Variants in CHL1 observed in about 807,000 individuals in gnomAD.
CHL1 encodes the protein neural cell adhesion molecule L1-like protein.
A neutral mutation model predicts 141.9 loss-of-function variants in CHL1; 96 were observed. The observed-to-expected ratio is 0.68, with a 90% CI of 0.57 to 0.80. The LOEUF is 0.80. Ranked by LOEUF, CHL1 falls within the 30% of genes least tolerant of loss-of-function variation. CHL1 has a pLI of 0.00. For missense variants in CHL1, 1,820 were observed against 1,457.2 expected (o/e 1.25, Z -4.05); for synonymous variants, 613 against 502.2 (o/e 1.22, Z -2.95).
At chr3:261,073 C>A (rs903310025) in intron 2 of CHL1, among the ~76,000 whole-genome samples, 3 of 152,144 alleles carry the variant, frequency 2.0e-5, no homozygotes, top group Non-Finnish European at 2.9e-5. Context: ...CATCACTAGT[C>A]ACTACTTCTG....
chr3:203,171 G>A (rs150051226), intron 1 of CHL1, among the ~76,000 whole-genome samples: 1 of 152,162 alleles, frequency 6.6e-6, no homozygotes, highest in South Asian at 2.1e-4. Context: ...CTAAGAAGAG[G>A]CACCATAGTC....
chr3:281,736 T>C (rs1396749007), intron 2 of CHL1, among the ~76,000 whole-genome samples: 1 of 151,992 alleles, frequency 6.6e-6, no homozygotes, highest in Non-Finnish European at 1.5e-5. Context: ...ATTTTTGTAT[T>C]TTTAGTAGAG....
intron 2 of CHL1, among the ~76,000 whole-genome samples, chr3:315,447 A>G (rs1452715075): frequency 6.6e-6 from 1 of 152,138 alleles, no homozygotes; most frequent in Admixed American, 6.6e-5. Context: ...TCTCTCCTCC[A>G]TTTCTCAAGG....
At chr3:216,519 G>T (rs1446760167) in intron 1 of CHL1, among the ~76,000 whole-genome samples, 1 of 152,146 alleles carries the variant, frequency 6.6e-6, no homozygotes, top group Admixed American at 6.5e-5. Flanking sequence ...CCCTAGGAGA[G>T]TCAACTCTAC....
chr3:377,793 C>G (rs748484185), intron 15 of CHL1, 25 bp from the exon 16 acceptor site: 3 of 1,579,690 alleles, frequency 1.9e-6, no homozygotes, highest in Non-Finnish European at 2.6e-6. Flanking sequence ...TCCTTCTCAT[C>G]ATGTACTCAC....
chr3:363,649 T>A (rs1328490137), intron 14 of CHL1: 4 of 302,442 alleles, frequency 1.3e-5, no homozygotes. Context: ...AAAAATTACC[T>A]ATTAACCATA....
At chr3:314,308 T>TC (rs201767622) in intron 2 of CHL1, among the ~76,000 whole-genome samples, 17,399 of 127,562 alleles carry the variant, frequency 0.14, 1,985 homozygotes, top group African/African-American at 0.26. Flanking sequence ...ACTCTCTCTC[T>TC]TTCTCTCTCT....
intron 2 of CHL1, among the ~76,000 whole-genome samples, chr3:314,877 C>T (rs1700047403): frequency 6.6e-6 from 1 of 152,062 alleles, no homozygotes; most frequent in Non-Finnish European, 1.5e-5. Flanking sequence ...AGTCTTATTA[C>T]AGAGAGTGTG....
intron 3 of CHL1, among the ~76,000 whole-genome samples, chr3:321,883 G>A (rs1356125359): frequency 6.6e-6 from 1 of 152,018 alleles, no homozygotes; most frequent in Non-Finnish European, 1.5e-5. Context: ...TAATTATAGA[G>A]GAAAGGATTT....
At chr3:276,435 G>A (rs1322565157) in intron 2 of CHL1, among the ~76,000 whole-genome samples, 2 of 152,162 alleles carry the variant, frequency 1.3e-5, no homozygotes, top group African/African-American at 4.8e-5. Flanking sequence ...GTGTTTTATA[G>A]TTTGCAGCAT....
At chr3:308,506 G>T (rs1272244705) in intron 2 of CHL1, among the ~76,000 whole-genome samples, 1 of 151,798 alleles carries the variant, frequency 6.6e-6, no homozygotes, top group Non-Finnish European at 1.5e-5. Flanking sequence ...AACATTGGGA[G>T]ATATAGATAG....
chr3:390,221 C>T (rs1488705044), intron 20 of CHL1, among the ~76,000 whole-genome samples: 1 of 152,174 alleles, frequency 6.6e-6, no homozygotes, highest in Non-Finnish European at 1.5e-5. Context: ...CTGTATTTGG[C>T]TTATTACTCT....
At position 398,219 on chromosome 3, in the gene CHL1, T is replaced by C; in HGVS notation, c.3095-8T>C. On this transcript the variant is annotated splice_polypyrimidine_tract_variant and splice_region_variant and intron_variant, in intron 24 of 27. Transcript: ENST00000256509. ...AATTCACATGATTTAACTGTGTACATTTCTTAGGTAAAGGTATCGGGAAGA... is the reference window on the plus strand; with the variant it reads ...AATTCACATGATTTAACTGTGTACACTTCTTAGGTAAAGGTATCGGGAAGA... 2 of 1,576,054 alleles carry C rather than the reference T, an allele frequency of 1.3e-6. No homozygotes were observed. The highest frequency in any genetic ancestry group is 4.5e-5 in the East Asian group (2 of 44,122).
rs1047321140 is a variant in CHL1, at chr3:330,199, A to T, written c.385+1845A>T. Reference sequence around the variant, plus strand: ...AATAAATAGAAAACTTAAAAAACTTATATCTTTGAAAACTAAGAAATACAT... The same window carrying T: ...AATAAATAGAAAACTTAAAAAACTTTTATCTTTGAAAACTAAGAAATACAT... On this transcript the variant is annotated intron_variant, in intron 5 of 27. Coordinates refer to ENST00000256509, the MANE Select transcript of CHL1 (RefSeq NM_006614.4). 3.9e-5 allele frequency among the ~76,000 whole-genome samples: 6 copies of T among 152,274 alleles called. No individual in the cohort carries two copies. The East Asian group carries it at 1.2e-3, about 29-fold the overall frequency.
chr3:298,243 C>A (rs79391374), intron 2 of CHL1, among the ~76,000 whole-genome samples: 1 of 152,042 alleles, frequency 6.6e-6, no homozygotes, highest in East Asian at 1.9e-4. Context: ...TACAATAAGT[C>A]GAATTGCTAA....
intron 4 of CHL1, among the ~76,000 whole-genome samples, chr3:326,825 T>C (rs1446920597): frequency 1.3e-5 from 2 of 151,936 alleles, no homozygotes; most frequent in Admixed American, 1.3e-4. Flanking sequence ...CCATATTTAA[T>C]GAAAATTGAT....
In CHL1 at chr3:366,010, A is replaced by T. The variant is rs200843726; in HGVS notation, c.1646A>T (p.Glu549Val). The T allele has an allele frequency of 9.7e-5, 156 of 1,613,364 alleles. No homozygotes were observed. The highest frequency in any genetic ancestry group is 1.1e-4 in the Non-Finnish European group (131 of 1,179,462). ...NPRIPKLHML[E>V]LHCESKCDSH... ...CGTATCCCCAAATTGCATATGCTTG[A>T]ATTACATTGTGAAAGCAAATGTGAC... The change falls in exon 15 of 28, where the codon GAA becomes GTA. Residue 549 changes from glutamate to valine, a missense_variant. Transcript: ENST00000256509.
chr3:394,582 A>C (rs1708512107), intron 23 of CHL1, 111 bp from the exon 24 acceptor site: 4 of 741,872 alleles, frequency 5.4e-6, no homozygotes, highest in Non-Finnish European at 9.0e-6. Context: ...ATGGTTATGA[A>C]TCATTAATGT....
intron 2 of CHL1, among the ~76,000 whole-genome samples, chr3:278,265 C>T (rs1696331760): frequency 6.6e-6 from 1 of 152,226 alleles, no homozygotes; most frequent in South Asian, 2.1e-4. Context: ...CCTTTCCAGA[C>T]ATTCTCTTTG....
Sources: gnomAD v4.1 joint callset for allele counts (sites outside exome capture counted in the v4.1 genomes callset) on GRCh38, gnomAD v4.1.1 for gene constraint, MANE v1.5 for transcripts, NCBI Gene and HGNC (gene_info 2026-07-23, HGNC 2026-07-21) for gene names.